The following DGKG variants were observed in gnomAD, a reference collection of about 807,000 sequenced individuals.
The protein encoded by DGKG is DAG kinase gamma.
A neutral mutation model predicts 105.3 loss-of-function variants in DGKG; 78 were observed. The observed-to-expected ratio is 0.74, with a 90% CI of 0.62 to 0.89. The LOEUF (loss-of-function observed/expected upper bound fraction) is 0.89. Ranked by LOEUF, DGKG falls within the 40% of genes least tolerant of loss-of-function variation. DGKG has a pLI of 0.00. For missense variants in DGKG, 958 were observed against 1,020.1 expected, an observed-to-expected ratio of 0.94 and a Z score of 0.83; for synonymous variants, 346 against 367.1, an observed-to-expected ratio of 0.94 and a Z score of 0.66.
intron 1 of DGKG, among the ~76,000 whole-genome samples, chr3:186,346,088 A>G (rs749860756): frequency 1.2e-4 from 18 of 152,138 alleles, no homozygotes; most frequent in Non-Finnish European, 2.4e-4. Flanking sequence ...TTAAAACTTG[A>G]TGTACAAATT....
At chr3:186,165,498 G>T (rs1716497493) in intron 22 of DGKG, among the ~76,000 whole-genome samples, 1 of 152,208 alleles carries the variant, frequency 6.6e-6, no homozygotes, top group African/African-American at 2.4e-5. Flanking sequence ...CTCAAATTTG[G>T]CCTGTGGTAA....
At chr3:186,276,144 A>G (rs539524012) in intron 9 of DGKG, among the ~76,000 whole-genome samples, 1 of 152,338 alleles carries the variant, frequency 6.6e-6, no homozygotes, top group Non-Finnish European at 1.5e-5. Flanking sequence ...AGCATTATTT[A>G]AAATAATGAA....
intron 19 of DGKG, among the ~76,000 whole-genome samples, chr3:186,245,312 T>A (rs1278441674): frequency 6.6e-6 from 1 of 152,008 alleles, no homozygotes; most frequent in African/African-American, 2.4e-5. Context: ...CAAGGGAGAG[T>A]AGAGCAGCTC....
At chr3:186,279,635 T>A (rs1278357170) in intron 9 of DGKG, 2 of 452,806 alleles carry the variant, frequency 4.4e-6, no homozygotes, top group Non-Finnish European at 7.8e-6. Flanking sequence ...AGAACAGTAT[T>A]TTTAAAGTAG....
Position 186,280,673 on chromosome 3 carries a change from C to A in DGKG, c.666G>T (p.Arg222Ser), listed in dbSNP as rs373896729. The stretch of plus-strand genomic sequence containing the variant: ...CCCCATCCTTATAGAAACTCACAGG[C>A]CTCAGCTCTGTGGGATCCCACTCCA... The part of the protein sequence containing the change: ...QYLEWDPTEL[R>S]PILKEMLQGM... The change falls in exon 8 of 25, where the codon AGG (arginine) becomes AGT (serine). Residue 222 changes from arginine (R) to serine (S), a missense_variant. Transcript: ENST00000265022. The A allele has an allele frequency of 3.7e-6, 6 of 1,612,836 alleles. No homozygotes were observed. The African/African-American group carries it at 5.3e-5, about 14-fold the overall frequency.
At chr3:186,158,719 C>T in intron 24 of DGKG, 1 of 971,334 alleles carries the variant, frequency 1.0e-6, no homozygotes, top group Non-Finnish European at 1.2e-6. Context: ...TTTCAAGCTT[C>T]TCAATATCTG....
chr3:186,323,985 G>A (rs1447999088), intron 1 of DGKG, among the ~76,000 whole-genome samples: 1 of 149,350 alleles, frequency 6.7e-6, no homozygotes, highest in Admixed American at 6.7e-5. Context: ...GTGCATGCTT[G>A]TAATCCCAGC....
chr3:186,147,448 C>T lies in DGKG; in HGVS notation c.*2642G>A, dbSNP rs934176979. Reference sequence around the variant, plus strand: ...TGAGGGTCACTATGATGAGGGACTCCACCACAAGAAACCACAGTCATAGTG... The same window carrying T: ...TGAGGGTCACTATGATGAGGGACTCTACCACAAGAAACCACAGTCATAGTG... On this transcript the variant is annotated 3_prime_UTR_variant, in exon 25 of 25. Coordinates refer to ENST00000265022, the MANE Select transcript of DGKG (RefSeq NM_001346.3). 1 of 985,176 alleles carries T rather than the reference C, an allele frequency of 1.0e-6. No homozygotes were observed. Among genetic ancestry groups the T allele is most frequent in the Non-Finnish European group, 1.2e-6 (1 of 829,726 alleles). The allele number at this position is 985,176 out of a possible 1,614,324, so 61.0% of individuals were successfully genotyped here.
At chr3:186,152,276 TCAA>T (rs1715798067) in intron 24 of DGKG, among the ~76,000 whole-genome samples, 1 of 152,118 alleles carries the variant, frequency 6.6e-6, no homozygotes, top group South Asian at 2.1e-4. Flanking sequence ...CGAGAATGCA[TCAA>T]CATCATTTTG....
At chr3:186,257,993 T>G in intron 16 of DGKG, 54 bp from the exon 17 acceptor site, 1 of 1,293,312 alleles carries the variant, frequency 7.7e-7, no homozygotes, top group Non-Finnish European at 1.1e-6. Context: ...GCAGCTGACA[T>G]TGATACATGT....
At chr3:186,259,047 A>G (rs1040314588) in intron 16 of DGKG, among the ~76,000 whole-genome samples, 3 of 152,172 alleles carry the variant, frequency 2.0e-5, no homozygotes, top group African/African-American at 7.2e-5. Context: ...TTTCAGAATC[A>G]CTGATGCATG....
intron 10 of DGKG, among the ~76,000 whole-genome samples, chr3:186,273,135 T>G (rs1722398408): frequency 6.6e-6 from 1 of 152,160 alleles, no homozygotes. Flanking sequence ...GAAAACGGCC[T>G]CTCTTTCTCT....
Position 186,155,382 on chromosome 3 carries a change from C to T in DGKG, c.2278-5194G>A, listed in dbSNP as rs150783176. Among the ~76,000 whole-genome samples, 325 of 152,064 alleles carry T rather than the reference C, an allele frequency of 2.1e-3. 3 individuals carry two copies. The highest frequency in any genetic ancestry group is 7.3e-3 in the African/African-American group (304 of 41,464). ...TAATTTTTTATATTTTCAGTACAGA[C>T]GAGGTTTCACTATGTTGGCCAGGCT... On this transcript the variant is annotated intron_variant, in intron 24 of 24. Coordinates refer to ENST00000265022, the MANE Select transcript of DGKG (RefSeq NM_001346.3).
At chr3:186,310,700 A>C (rs967821556) in intron 2 of DGKG, among the ~76,000 whole-genome samples, 4 of 152,194 alleles carry the variant, frequency 2.6e-5, no homozygotes, top group African/African-American at 9.6e-5. Context: ...TTCCTTTGTC[A>C]AAGCCTTTAC....
intron 24 of DGKG, among the ~76,000 whole-genome samples, chr3:186,151,641 C>T (rs531545185): frequency 3.5e-4 from 54 of 152,194 alleles, no homozygotes; most frequent in African/African-American, 1.2e-3. Flanking sequence ...ACTGGGTTCA[C>T]ATGAAGAAAT....
chr3:186,214,844 G>A (rs887779222), intron 20 of DGKG, among the ~76,000 whole-genome samples: 3 of 152,228 alleles, frequency 2.0e-5, no homozygotes, highest in Non-Finnish European at 2.9e-5. Context: ...CAGACAGGAA[G>A]CAGACCACAG....
At chr3:186,189,055 C>T (rs369617313) in intron 21 of DGKG, among the ~76,000 whole-genome samples, 17 of 152,040 alleles carry the variant, frequency 1.1e-4, no homozygotes, top group East Asian at 7.7e-4. Flanking sequence ...CCTGTTGATC[C>T]GCCCGCCTCA....
intron 24 of DGKG, among the ~76,000 whole-genome samples, chr3:186,153,709 G>A (rs1715883765): frequency 6.6e-6 from 1 of 152,180 alleles, no homozygotes; most frequent in Admixed American, 6.5e-5. Flanking sequence ...AGAGATTGAG[G>A]GACTTCTTCC....
At chr3:186,265,187 G>A in intron 14 of DGKG, 60 bp downstream of exon 14, 4 of 1,542,746 alleles carry the variant, frequency 2.6e-6, no homozygotes, top group South Asian at 2.2e-5. Flanking sequence ...ACCCCGTCTT[G>A]CCCGCCACAG....
Sources: gnomAD v4.1 joint callset for allele counts (sites outside exome capture counted in the v4.1 genomes callset) on GRCh38, gnomAD v4.1.1 for gene constraint, MANE v1.5 for transcripts, NCBI Gene and HGNC (gene_info 2026-07-23, HGNC 2026-07-21) for gene names.